The following MBNL2 variants were observed in gnomAD, a reference collection of about 807,000 sequenced individuals.
MBNL2 encodes muscleblind like splicing regulator 2.
MBNL2 carries 17 observed loss-of-function variants against 41.9 expected under a neutral mutation model. The ratio of observed to expected loss-of-function variants is 0.41; its 90% CI spans 0.28 to 0.61. The LOEUF is 0.61. MBNL2 is among the 20% of genes least tolerant of loss of function. The probability of loss-of-function intolerance (pLI) is 0.35; values close to 1 mark genes in which losing one functional copy is unlikely to be tolerated. For synonymous variants in MBNL2, 195 were observed against 182.9 expected (o/e 1.07, Z -0.53); for missense variants, 336 against 505.6 (o/e 0.66, Z 3.22).
rs550329790 is a variant in MBNL2, at chr13:97,327,272, C to T, written c.175-7004C>T. Among the ~76,000 whole-genome samples, 3 of 152,234 alleles carry T rather than the reference C, an allele frequency of 2.0e-5. 1 individual carries two copies. Among genetic ancestry groups the T allele is most frequent in the Admixed American group, 1.3e-4 (2 of 15,286 alleles). ...TGCTGAATCTCCTCAAACCTCATCA[C>T]GTAGACGTCTCATAATTCTCAGAAC... On this transcript the variant is annotated intron_variant, in intron 2 of 8. Coordinates refer to ENST00000679496, the MANE Select transcript of MBNL2 (RefSeq NM_001382683.1).
intron 1 of MBNL2, among the ~76,000 whole-genome samples, chr13:97,234,145 C>A (rs1204156918): frequency 1.3e-5 from 2 of 152,162 alleles, no homozygotes; most frequent in African/African-American, 4.8e-5. Context: ...CGCATACAAG[C>A]CATAACATTT....
chr13:97,202,893 C>T, the MBNL2 span, among the ~76,000 whole-genome samples: 1 of 152,170 alleles, frequency 6.6e-6, no homozygotes. Context: ...TGGGGCTGGA[C>T]AATGTGCTGT....
intron 1 of MBNL2, among the ~76,000 whole-genome samples, chr13:97,242,080 A>G (rs1398532254): frequency 2.0e-5 from 3 of 152,072 alleles, no homozygotes; most frequent in Admixed American, 2.0e-4. Flanking sequence ...CAACTCGGAG[A>G]AGGTGTCTCC....
the MBNL2 span, among the ~76,000 whole-genome samples, chr13:97,197,148 T>C: frequency 6.6e-6 from 1 of 152,228 alleles, no homozygotes. Context: ...ACTCAGCTCA[T>C]TGTTTTTCTC....
chr13:97,194,780 C>T, the MBNL2 span, among the ~76,000 whole-genome samples: 1 of 152,188 alleles, frequency 6.6e-6, no homozygotes, highest in Non-Finnish European at 1.5e-5. Flanking sequence ...AATGCATTAA[C>T]ATGCTAAAAG....
At position 97,240,154 on chromosome 13, in the gene MBNL2, G is replaced by C. The variant is rs571736596; in HGVS notation, c.-605+17623G>C. 4.6e-5 allele frequency among the ~76,000 whole-genome samples: 7 copies of C among 152,284 alleles called. No individual in the cohort carries two copies. The East Asian group carries it at 1.4e-3, about 29-fold the overall frequency. ...CCCATGATTCTGACTCGGGGAGTCT[G>C]AGGTGGGGCCTAGGAACCCACATTT... On this transcript the variant is annotated intron_variant, in intron 1 of 8. Coordinates refer to ENST00000679496, the MANE Select transcript of MBNL2 (RefSeq NM_001382683.1).
chr13:97,307,873 C>T (rs554648555), intron 2 of MBNL2, among the ~76,000 whole-genome samples: 1 of 152,318 alleles, frequency 6.6e-6, no homozygotes, highest in African/African-American at 2.4e-5. Flanking sequence ...TTTCTGCTCC[C>T]TCTTCAAAAT....
the MBNL2 span, among the ~76,000 whole-genome samples, chr13:97,175,529 C>A: frequency 6.6e-6 from 1 of 152,124 alleles, no homozygotes; most frequent in African/African-American, 2.4e-5. Context: ...GAGATGGTGG[C>A]CAAATTGCTG....
intron 8 of MBNL2, among the ~76,000 whole-genome samples, chr13:97,373,605 A>AATATAC (rs1555321428): frequency 6.9e-6 from 1 of 145,390 alleles, no homozygotes; most frequent in Non-Finnish European, 1.5e-5. Context: ...GTATGCTAAA[A>AATATAC]ATATATATAT....
chr13:97,384,861 A>AC (rs2065800162), intron 8 of MBNL2, among the ~76,000 whole-genome samples: 1 of 152,220 alleles, frequency 6.6e-6, no homozygotes, highest in South Asian at 2.1e-4. Context: ...ACTTTAGGTG[A>AC]ATTTTTATCT....
intron 2 of MBNL2, among the ~76,000 whole-genome samples, chr13:97,314,130 T>C (rs2153027660): frequency 6.6e-6 from 1 of 152,248 alleles, no homozygotes; most frequent in East Asian, 1.9e-4. Context: ...CTTAAGTTAC[T>C]GCTCTTACCC....
At chr13:97,357,357 T>C in intron 6 of MBNL2, 125 bp from the exon 7 acceptor site, 1 of 750,390 alleles carries the variant, frequency 1.3e-6, no homozygotes, top group African/African-American at 1.7e-5. Context: ...TAAATTAAGG[T>C]GCATGGCAGA....
At chr13:97,316,114 C>T (rs941974746) in intron 2 of MBNL2, among the ~76,000 whole-genome samples, 2 of 152,252 alleles carry the variant, frequency 1.3e-5, no homozygotes, top group African/African-American at 4.8e-5. Context: ...ATTTCCCCCA[C>T]ATTTGCTTGA....
the MBNL2 span, among the ~76,000 whole-genome samples, chr13:97,166,196 G>T: frequency 1.3e-5 from 2 of 152,200 alleles, no homozygotes; most frequent in Admixed American, 1.3e-4. Context: ...AAAACTTAAA[G>T]GATGTATTAT....
At chr13:97,374,617 T>G (rs1480101743) in intron 8 of MBNL2, among the ~76,000 whole-genome samples, 3 of 152,006 alleles carry the variant, frequency 2.0e-5, no homozygotes, top group Non-Finnish European at 2.9e-5. Flanking sequence ...GGTCTCAAAC[T>G]CCTGACCTCA....
At chr13:97,276,820 T>G (rs1368406725) in intron 2 of MBNL2, among the ~76,000 whole-genome samples, 1 of 152,096 alleles carries the variant, frequency 6.6e-6, no homozygotes, top group East Asian at 1.9e-4. Context: ...TTATGGCTTT[T>G]TTTTTTTTCC....
Position 97,334,154 on chromosome 13 carries a change from A to ACACACC in MBNL2, c.175-117_175-116insCCACAC. The ACACACC allele has an allele frequency of 1.5e-6, 1 of 671,838 alleles. No individual in the cohort carries two copies. The highest frequency in any genetic ancestry group is 2.5e-6 in the Non-Finnish European group (1 of 401,268). The allele number at this position is 671,838 out of a possible 1,614,324, so 41.6% of individuals were successfully genotyped here. Reference sequence around the variant, plus strand: ...TGAGCATGCGCGCGCACACCCACACACACACACACACACACACACACAGGA... The same window carrying ACACACC: ...TGAGCATGCGCGCGCACACCCACACACACACCCACACACACACACACACACACAGGA... On this transcript the variant is annotated intron_variant, in intron 2 of 8. Transcript: ENST00000679496. This position sits in a 1 kb window ranked among gnomAD's most constrained non-coding sequence, Gnocchi z 5.3.
chr13:97,201,084 A>AG, the MBNL2 span, among the ~76,000 whole-genome samples: 4 of 152,136 alleles, frequency 2.6e-5, 1 homozygote, highest in African/African-American at 9.7e-5. Flanking sequence ...AAGAAGAAGA[A>AG]AAAAAAACTT....
chr13:97,331,710 G>A (rs2060455599), intron 2 of MBNL2, among the ~76,000 whole-genome samples: 1 of 152,124 alleles, frequency 6.6e-6, no homozygotes, highest in Non-Finnish European at 1.5e-5. Flanking sequence ...CTGTTATAAG[G>A]AGAAAATGAG....
Sources: allele counts gnomAD v4.1 joint callset (sites outside exome capture counted in the v4.1 genomes callset), GRCh38; gene constraint gnomAD v4.1.1; non-coding constraint Gnocchi (gnomAD v3.1); transcripts MANE v1.5; gene names NCBI Gene and HGNC (gene_info 2026-07-23, HGNC 2026-07-21).